The following MTHFS variants were observed in gnomAD, a reference collection of about 807,000 sequenced individuals.
MTHFS encodes 5-formyltetrahydrofolate cyclo-ligase.
In MTHFS, 7 loss-of-function variants were observed where a neutral mutation model predicts 12.7. That is an observed-to-expected ratio of 0.55 (90% CI 0.31 to 1.03). MTHFS has a LOEUF of 1.03. MTHFS is among the 50% of genes least tolerant of loss of function. The probability of loss-of-function intolerance (pLI) is 0.05; values close to 1 mark genes in which losing one functional copy is unlikely to be tolerated. For missense variants in MTHFS, 252 were observed against 258.1 expected (o/e 0.98, Z 0.16); for synonymous variants, 100 against 97.1 (o/e 1.03, Z -0.18).
rs536237233 is a variant in MTHFS at position 79,879,390 on chromosome 15, T to C, written c.379+9703A>G. On this transcript the variant is annotated intron_variant, in intron 2 of 2. Coordinates refer to ENST00000258874, the MANE Select transcript of MTHFS (RefSeq NM_006441.4). ...TCCCCCAGGCTGGAGTCCAATGGTG[T>C]GATCTTGGCTCACTGCAACTTCCGC... Among the ~76,000 whole-genome samples the C allele has an allele frequency of 2.4e-3, 345 of 146,002 alleles. 2 individuals carry two copies. The highest frequency in any genetic ancestry group is 3.4e-3 in the Non-Finnish European group (230 of 66,968).
chr15:79,896,881 CAG>C lies in MTHFS; in HGVS notation c.106_107del (p.Leu36GlufsTer9). ...AEERLRQSRV[L>X]SQKVIAHSEY... Reference sequence around the variant, plus strand: ...ACGGGCGGCCTCGCACCTTCTGGCTCAGTACGCGGGACTGGCGTAGCCGCTCC... The same window carrying C: ...ACGGGCGGCCTCGCACCTTCTGGCTCTACGCGGGACTGGCGTAGCCGCTCC... On this transcript the variant is annotated frameshift_variant, in exon 1 of 3. Transcript: ENST00000258874. LOFTEE classifies it high-confidence loss of function. 1.3e-6 allele frequency: 2 copies of C among 1,543,156 alleles called. No individual in the cohort carries two copies. The highest frequency in any genetic ancestry group is 1.7e-6 in the Non-Finnish European group (2 of 1,146,346).
At position 79,896,917 on chromosome 15, in the gene MTHFS, C is replaced by G. The variant is rs1234828666; in HGVS notation, c.72G>C (p.Met24Ile). 1.8e-5 allele frequency: 27 copies of G among 1,542,262 alleles called. No homozygotes were observed. Among genetic ancestry groups the G allele is most frequent in the Non-Finnish European group, 2.1e-5 (24 of 1,146,272 alleles). The change falls in exon 1 of 3, where the codon ATG (methionine) becomes ATC (isoleucine). Residue 24 changes from methionine to isoleucine, a missense_variant. Met to Ile is a conservative substitution (Grantham distance 10, BLOSUM62 1). Coordinates refer to ENST00000258874, the MANE Select transcript of MTHFS (RefSeq NM_006441.4). ...RGELKQRLRAMSAEERLRQSR... is the reference protein window; with the variant it reads ...RGELKQRLRAISAEERLRQSR... ...ACTGGCGTAGCCGCTCCTCGGCACT[C>G]ATCGCCCGCAGACGCTGCTTCAGCT... is the stretch of plus-strand genomic sequence containing the variant.
chr15:79,859,840 C>G (rs972713515), intron 2 of MTHFS, among the ~76,000 whole-genome samples: 6 of 146,272 alleles, frequency 4.1e-5, no homozygotes, highest in East Asian at 2.0e-4. Flanking sequence ...AAAAAAAAAC[C>G]CTTATTTTCT....
intron 2 of MTHFS, among the ~76,000 whole-genome samples, chr15:79,873,847 G>A (rs1340308044): frequency 6.6e-6 from 1 of 152,210 alleles, no homozygotes; most frequent in Non-Finnish European, 1.5e-5. Context: ...TGCCAAGGTT[G>A]TAATCCCAGT....
chr15:79,883,322 G>A (rs1369515418), intron 2 of MTHFS, among the ~76,000 whole-genome samples: 1 of 152,182 alleles, frequency 6.6e-6, no homozygotes. Context: ...GCTATAAAGT[G>A]TTGATAATCT....
intron 2 of MTHFS, among the ~76,000 whole-genome samples, chr15:79,882,437 A>G (rs1227219955): frequency 6.6e-6 from 1 of 152,190 alleles, no homozygotes; most frequent in African/African-American, 2.4e-5. Context: ...AGAATACCAC[A>G]TTGACCCAGC....
At chr15:79,858,554 T>C (rs886317143) in intron 2 of MTHFS, among the ~76,000 whole-genome samples, 2 of 152,172 alleles carry the variant, frequency 1.3e-5, no homozygotes, top group Non-Finnish European at 2.9e-5. Flanking sequence ...TAGATGATCT[T>C]CAAATCCCTT....
chr15:79,862,544 G>T (rs2033936109), intron 2 of MTHFS, among the ~76,000 whole-genome samples: 3 of 152,004 alleles, frequency 2.0e-5, no homozygotes, highest in Admixed American at 2.0e-4. Context: ...AGACTATCTT[G>T]CCTAAAGTTA....
rs545172900 is a variant in MTHFS, at chr15:79,846,470, G to C, written c.380-1028C>G. On this transcript the variant is annotated intron_variant, in intron 2 of 2. Transcript: ENST00000258874. ...TGGAAGCCATGAATTCTCCAGAACAGCATGTTCAGAGTAGAGAGGATCAGA... is the reference window on the plus strand; with the variant it reads ...TGGAAGCCATGAATTCTCCAGAACACCATGTTCAGAGTAGAGAGGATCAGA... Among the ~76,000 whole-genome samples, 4 of 152,306 alleles carry C rather than the reference G, an allele frequency of 2.6e-5. No homozygotes were observed. The East Asian group carries it at 7.7e-4, about 29-fold the overall frequency.
intron 2 of MTHFS, among the ~76,000 whole-genome samples, chr15:79,860,538 A>ACAG (rs1249196876): frequency 1.3e-5 from 2 of 152,216 alleles, no homozygotes; most frequent in Non-Finnish European, 2.9e-5. Context: ...GGGGCAAAGA[A>ACAG]CAGCACTTTA....
At chr15:79,864,637 G>A (rs2033978530) in intron 2 of MTHFS, among the ~76,000 whole-genome samples, 1 of 147,514 alleles carries the variant, frequency 6.8e-6, no homozygotes, top group Admixed American at 6.9e-5. Context: ...CACGCTTTCT[G>A]GTGCTTACTT....
Position 79,864,546 on chromosome 15 carries a change from AC to A in MTHFS, c.380-19105del, listed in dbSNP as rs1271320351. Reference sequence around the variant, plus strand: ...GGCAACAAAGTGAGACTCCATCTCAACAAAAAAAAAAAAAAAAAAAAAAAAA... The same window carrying A: ...GGCAACAAAGTGAGACTCCATCTCAAAAAAAAAAAAAAAAAAAAAAAAAAA... On this transcript the variant is annotated intron_variant, in intron 2 of 2. Transcript: ENST00000258874. Among the ~76,000 whole-genome samples, 304 of 93,026 alleles carry A rather than the reference AC, an allele frequency of 3.3e-3. 6 individuals carry two copies. The highest frequency in any genetic ancestry group is 0.01 in the African/African-American group (281 of 27,116). The allele number at this position is 93,026 out of a possible 152,430, so 61.0% of individuals were successfully genotyped here.
At chr15:79,885,532 C>T (rs1382486874) in intron 2 of MTHFS, among the ~76,000 whole-genome samples, 2 of 152,192 alleles carry the variant, frequency 1.3e-5, no homozygotes, top group Admixed American at 6.5e-5. Context: ...GTAGGGCTGC[C>T]GAGCTGGGCA....
At chr15:79,861,785 G>GA (rs1172228003) in intron 2 of MTHFS, among the ~76,000 whole-genome samples, 11 of 152,186 alleles carry the variant, frequency 7.2e-5, no homozygotes, top group Non-Finnish European at 1.3e-4. Context: ...GTGTTGCTAT[G>GA]AAAAGAGTTC....
Position 79,862,952 on chromosome 15 carries a change from C to A in MTHFS, c.380-17510G>T, listed in dbSNP as rs138814898. Among the ~76,000 whole-genome samples the A allele has an allele frequency of 2.2e-3, 335 of 152,286 alleles. 2 individuals carry two copies. Among genetic ancestry groups the A allele is most frequent in the African/African-American group, 7.7e-3 (318 of 41,564 alleles). Reference sequence around the variant, plus strand: ...TGAATCAATATCTCCTATGTCCTGACCTCCAGAGCTATATATCCAACTAGC... The same window carrying A: ...TGAATCAATATCTCCTATGTCCTGAACTCCAGAGCTATATATCCAACTAGC... On this transcript the variant is annotated intron_variant, in intron 2 of 2. Coordinates refer to ENST00000258874, the MANE Select transcript of MTHFS (RefSeq NM_006441.4).
intron 2 of MTHFS, among the ~76,000 whole-genome samples, chr15:79,848,815 AT>A (rs2033663633): frequency 6.6e-6 from 1 of 152,022 alleles, no homozygotes; most frequent in Non-Finnish European, 1.5e-5. Flanking sequence ...TGGACAGAAA[AT>A]TTCTTTGAGG....
In MTHFS at chr15:79,843,817, A is replaced by T. The variant is rs2033562022; in HGVS notation, c.*1393T>A. The T allele has an allele frequency of 6.6e-6, 1 of 152,268 alleles. No individual in the cohort carries two copies. The highest frequency in any genetic ancestry group is 1.5e-5 in the Non-Finnish European group (1 of 68,054). The allele number at this position is 152,268 out of a possible 1,614,324, so 9.4% of individuals were successfully genotyped here. ...ATACGTAAGACAACATGATAAGCAC[A>T]TCAATGGCCAAGGCCACTCAGACAA... is the stretch of plus-strand genomic sequence containing the variant. On this transcript the variant is annotated 3_prime_UTR_variant, in exon 3 of 3. Transcript: ENST00000258874.
chr15:79,869,528 G>C (rs1220599927), intron 2 of MTHFS, among the ~76,000 whole-genome samples: 1 of 152,046 alleles, frequency 6.6e-6, no homozygotes, highest in Non-Finnish European at 1.5e-5. Flanking sequence ...TAGACCTCCT[G>C]GGCTCAGGCA....
Position 79,844,405 on chromosome 15 carries a change from G to A in MTHFS, c.*805C>T, listed in dbSNP as rs1444207383. On this transcript the variant is annotated 3_prime_UTR_variant, in exon 3 of 3. Transcript: ENST00000258874. ...CCTGGTGACAGGATGGACATGGAGT[G>A]TGAGTAAGAGAGCCACGTGACTCCC... 6.6e-6 allele frequency: 1 copy of A among 152,528 alleles called. No individual in the cohort carries two copies. Among genetic ancestry groups the A allele is most frequent in the Non-Finnish European group, 1.5e-5 (1 of 68,034 alleles). 9.4% of individuals were successfully genotyped at this position (152,528 alleles called of 1,614,324 possible). A position where few individuals can be genotyped will look rare whatever the true frequency, so the allele number is the denominator to read the frequency against.
Sources: allele counts gnomAD v4.1 joint callset (sites outside exome capture counted in the v4.1 genomes callset), GRCh38; gene constraint gnomAD v4.1.1; transcripts MANE v1.5; gene names NCBI Gene and HGNC (gene_info 2026-07-23, HGNC 2026-07-21).